Variants in STOX1 observed in about 807,000 individuals in gnomAD.
The protein encoded by STOX1 is storkhead box 1.
A neutral mutation model predicts 74.8 loss-of-function variants in STOX1; 57 were observed. The observed-to-expected ratio is 0.76, with a 90% CI of 0.62 to 0.95. The LOEUF (loss-of-function observed/expected upper bound fraction) is 0.95. Among genes scored for constraint, STOX1 ranks in the 40% least tolerant of loss-of-function variants. The pLI is 0.00. For missense variants in STOX1, 1,010 were observed against 1,117.0 expected, an observed-to-expected ratio of 0.90 and a Z score of 1.37; for synonymous variants, 375 against 401.3, an observed-to-expected ratio of 0.93 and a Z score of 0.78.
At chr10:68,856,729 G>A (rs1252415928) in intron 1 of STOX1, among the ~76,000 whole-genome samples, 1 of 152,046 alleles carries the variant, frequency 6.6e-6, no homozygotes, top group East Asian at 1.9e-4. Context: ...CTGGCTGAGG[G>A]AGCCTCAAGA....
intron 1 of STOX1, among the ~76,000 whole-genome samples, chr10:68,860,671 C>T (rs1057011797): frequency 5.9e-5 from 9 of 151,608 alleles, no homozygotes; most frequent in Admixed American, 4.6e-4. Context: ...TTCCTGCCTC[C>T]ATACTAGAGG....
rs147858210 is a variant in STOX1, at chr10:68,878,712, A to G, written c.311-3246A>G. ...AGTCCTTTATCTTCATGCAGATACAATAAGAATACAGTACTGGCCACTTAC... is the reference window on the plus strand; with the variant it reads ...AGTCCTTTATCTTCATGCAGATACAGTAAGAATACAGTACTGGCCACTTAC... On this transcript the variant is annotated intron_variant, in intron 1 of 3. Transcript: ENST00000298596. Among the ~76,000 whole-genome samples, 678 of 152,328 alleles carry G rather than the reference A, an allele frequency of 4.5e-3. 3 individuals are homozygous for G. The highest frequency in any genetic ancestry group is 0.02 in the Middle Eastern group (6 of 294).
intron 3 of STOX1, among the ~76,000 whole-genome samples, chr10:68,888,539 T>C (rs937439893): frequency 6.6e-6 from 1 of 152,120 alleles, no homozygotes; most frequent in African/African-American, 2.4e-5. Context: ...CTTTTTAAAA[T>C]TAATAGCCTA....
chr10:68,875,434 G>A (rs1840650999), intron 1 of STOX1, among the ~76,000 whole-genome samples: 1 of 152,142 alleles, frequency 6.6e-6, no homozygotes. Context: ...TGCTGGGTCT[G>A]GCAGGAAGGC....
chr10:68,865,320 A>T (rs1447131235), intron 1 of STOX1, among the ~76,000 whole-genome samples: 1 of 150,898 alleles, frequency 6.6e-6, no homozygotes, highest in Non-Finnish European at 1.5e-5. Context: ...CTAAGGAGAT[A>T]GTAAAGAAAC....
intron 3 of STOX1, among the ~76,000 whole-genome samples, chr10:68,888,466 C>T (rs1354208987): frequency 1.3e-5 from 2 of 151,944 alleles, no homozygotes; most frequent in Admixed American, 6.6e-5. Flanking sequence ...CACTTCAGTC[C>T]AAATGTATAG....
intron 1 of STOX1, among the ~76,000 whole-genome samples, chr10:68,872,857 C>CTTGGAA (rs1214550522): frequency 6.6e-6 from 1 of 151,762 alleles, no homozygotes; most frequent in Non-Finnish European, 1.5e-5. Flanking sequence ...AGCAGACCCT[C>CTTGGAA]TTGGAATTGG....
intron 1 of STOX1, among the ~76,000 whole-genome samples, chr10:68,871,083 G>A (rs1483920607): frequency 2.0e-5 from 3 of 152,230 alleles, no homozygotes; most frequent in Non-Finnish European, 4.4e-5. Context: ...AAGGGAAAGA[G>A]TGTAGGAAAG....
chr10:68,832,594 G>T (rs1589213269), intron 1 of STOX1, among the ~76,000 whole-genome samples: 1 of 152,050 alleles, frequency 6.6e-6, no homozygotes, highest in East Asian at 1.9e-4. Context: ...AACCCGGGAG[G>T]CAGAGGTTGC....
At position 68,858,303 on chromosome 10, in the gene STOX1, G is replaced by A. The variant is rs564104125; in HGVS notation, c.311-23655G>A. On this transcript the variant is annotated intron_variant, in intron 1 of 3. Transcript: ENST00000298596. The stretch of plus-strand genomic sequence containing the variant: ...GCTGCTGACCTACAGCCTCAGTTGA[G>A]ATTTCTTAAGAGTTGCAAACTTTAC... 2.6e-5 allele frequency among the ~76,000 whole-genome samples: 4 copies of A among 152,212 alleles called. No individual in the cohort carries two copies. In the East Asian group the frequency reaches 5.8e-4, roughly 22 times the overall value.
downstream of STOX1, among the ~76,000 whole-genome samples, chr10:68,894,302 G>T (rs1056012913): frequency 3.3e-5 from 5 of 151,946 alleles, no homozygotes; most frequent in African/African-American, 9.7e-5. Context: ...CTCGTGATTC[G>T]CCTGCCTCGG....
chr10:68,845,592 T>C (rs1399825636), intron 1 of STOX1, among the ~76,000 whole-genome samples: 4 of 150,240 alleles, frequency 2.7e-5, no homozygotes, highest in African/African-American at 9.8e-5. Context: ...CTAATTTTTT[T>C]ATTTTTATTT....
At chr10:68,855,749 A>G (rs1445621884) in intron 1 of STOX1, among the ~76,000 whole-genome samples, 1 of 149,998 alleles carries the variant, frequency 6.7e-6, no homozygotes, top group African/African-American at 2.5e-5. Flanking sequence ...CTGGCTAAAA[A>G]AAGGAAAAAA....
intron 1 of STOX1, among the ~76,000 whole-genome samples, chr10:68,838,093 G>A (rs1398974415): frequency 6.6e-6 from 1 of 150,682 alleles, no homozygotes; most frequent in African/African-American, 2.4e-5. Context: ...TTGAGATAGG[G>A]TCTGGCTCTG....
chr10:68,886,013 G>A lies in STOX1; in HGVS notation c.2217G>A (p.Glu739=), dbSNP rs1280870503. 4 of 1,614,186 alleles carry A rather than the reference G, an allele frequency of 2.5e-6. No individual in the cohort carries two copies. Among genetic ancestry groups the A allele is most frequent in the Admixed American group, 1.7e-5 (1 of 60,028 alleles). ...CCTGTAGTTCATTATATCTAGAGGAGGATGACATTTCTGAGAATGACGACT... is the reference window on the plus strand; with the variant it reads ...CCTGTAGTTCATTATATCTAGAGGAAGATGACATTTCTGAGAATGACGACT... The part of the protein sequence containing the change: ...DGACSSLYLE[E]DDISENDDLR... The change falls in exon 3 of 4, where the codon GAG becomes GAA. Residue 739 remains glutamate, a synonymous_variant. Transcript: ENST00000298596.
rs558956003 is a variant in STOX1, at chr10:68,889,753, AG to A, written c.2823-2833del. 2.8e-4 allele frequency among the ~76,000 whole-genome samples: 42 copies of A among 152,064 alleles called. No homozygotes were observed. In the South Asian group the frequency reaches 6.8e-3, roughly 25 times the overall value. ...TAATTTTTGTGTTTTTATTAGAGAC[AG>A]GGTTTCACCATGTTGTCCAGGCTGG... On this transcript the variant is annotated intron_variant, in intron 3 of 3. Transcript: ENST00000298596.
chr10:68,863,430 A>G (rs932456386), intron 1 of STOX1, among the ~76,000 whole-genome samples: 6 of 149,004 alleles, frequency 4.0e-5, no homozygotes, highest in Admixed American at 2.0e-4. Context: ...ACCCAAAAGG[A>G]AAAAAAAAAC....
At chr10:68,857,789 C>T (rs1053743978) in intron 1 of STOX1, among the ~76,000 whole-genome samples, 1 of 151,924 alleles carries the variant, frequency 6.6e-6, no homozygotes, top group African/African-American at 2.4e-5. Flanking sequence ...CACTGGGCTG[C>T]CAGGCTGGAG....
intron 1 of STOX1, among the ~76,000 whole-genome samples, chr10:68,833,316 C>T (rs1236512334): frequency 6.6e-6 from 1 of 151,914 alleles, no homozygotes; most frequent in Non-Finnish European, 1.5e-5. Flanking sequence ...CTGGAACTCC[C>T]GACCTCAGTT....
Sources: gnomAD v4.1 joint callset for allele counts (sites outside exome capture counted in the v4.1 genomes callset) on GRCh38, gnomAD v4.1.1 for gene constraint, MANE v1.5 for transcripts, NCBI Gene and HGNC (gene_info 2026-07-23, HGNC 2026-07-21) for gene names.